The following C13orf46 variants were observed in gnomAD, a reference collection of about 807,000 sequenced individuals.
The protein encoded by C13orf46 is uncharacterized protein C13orf46.
chr13:113,964,098 C>G (rs2052614459), intron 6 of C13orf46, among the ~76,000 whole-genome samples: 1 of 152,158 alleles, frequency 6.6e-6, no homozygotes, highest in East Asian at 1.9e-4. Flanking sequence ...ATCTGCCCAC[C>G]TCAACCTCCC....
chr13:113,968,924 G>A (rs1431675757), intron 2 of C13orf46, among the ~76,000 whole-genome samples, 164 bp from the exon 3 acceptor site: 2 of 152,128 alleles, frequency 1.3e-5, no homozygotes, highest in African/African-American at 4.8e-5. Flanking sequence ...GGCTCTGAAG[G>A]GCCCCACAGC....
At chr13:113,944,426 C>T in the C13orf46 span, among the ~76,000 whole-genome samples, 3 of 152,238 alleles carry the variant, frequency 2.0e-5, no homozygotes, top group Admixed American at 6.5e-5. Flanking sequence ...TTACCTGCTC[C>T]GATGGGGAGA....
At chr13:113,960,698 C>T (rs959925630) in intron 6 of C13orf46, among the ~76,000 whole-genome samples, 2 of 152,232 alleles carry the variant, frequency 1.3e-5, no homozygotes, top group Non-Finnish European at 2.9e-5. Flanking sequence ...TTACCAACAG[C>T]TGTGTGTTCC....
chr13:113,965,809 GTGAAGGTGA>G (rs1378095647), intron 5 of C13orf46, among the ~76,000 whole-genome samples: 3 of 146,240 alleles, frequency 2.1e-5, no homozygotes, highest in African/African-American at 7.7e-5. Context: ...GGTGATGATG[GTGAAGGTGA>G]TGATGGTGAT....
At chr13:113,936,832 G>A in the C13orf46 span, among the ~76,000 whole-genome samples, 2 of 151,198 alleles carry the variant, frequency 1.3e-5, no homozygotes, top group Non-Finnish European at 2.9e-5. Context: ...TGTCAGACTT[G>A]CAAAAAACCT....
chr13:113,929,021 C>T, the C13orf46 span, among the ~76,000 whole-genome samples: 3 of 152,348 alleles, frequency 2.0e-5, no homozygotes, highest in Admixed American at 6.5e-5. Flanking sequence ...CTCCAGTAGC[C>T]GGATGCTCTG....
downstream of C13orf46, among the ~76,000 whole-genome samples, chr13:113,951,148 A>T (rs951132007): frequency 3.7e-4 from 57 of 152,296 alleles, no homozygotes; most frequent in African/African-American, 1.3e-3. Context: ...GATCATCATA[A>T]GGGACGTAGT....
chr13:113,931,294 G>A, the C13orf46 span, among the ~76,000 whole-genome samples: 4 of 152,264 alleles, frequency 2.6e-5, no homozygotes, highest in East Asian at 5.8e-4. Flanking sequence ...CTTTAACCAC[G>A]TCTGAGAGGC....
intron 6 of C13orf46, among the ~76,000 whole-genome samples, chr13:113,960,239 G>C (rs2052576630): frequency 6.9e-6 from 1 of 144,868 alleles, no homozygotes; most frequent in South Asian, 2.2e-4. Context: ...CTGGGCGACA[G>C]AGCGAGACTC....
Position 113,954,479 on chromosome 13 carries a change from C to G in C13orf46, c.*2294G>C. Reference sequence around the variant, plus strand: ...CCTCCTCTGAGTGGGGAGCATGTGGCTTCCCTCCAGGGACAGATCCTAGTG... The same window carrying G: ...CCTCCTCTGAGTGGGGAGCATGTGGGTTCCCTCCAGGGACAGATCCTAGTG... On this transcript the variant is annotated 3_prime_UTR_variant, in exon 7 of 7. Coordinates refer to ENST00000636427, the MANE Select transcript of C13orf46 (RefSeq NM_001365455.2). 6.6e-6 allele frequency: 1 copy of G among 152,438 alleles called. No individual in the cohort carries two copies. The highest frequency in any genetic ancestry group is 2.4e-5 in the African/African-American group (1 of 41,580). The allele number at this position is 152,438 out of a possible 1,614,324, so 9.4% of individuals were successfully genotyped here.
chr13:113,939,707 T>C, the C13orf46 span, among the ~76,000 whole-genome samples: 886 of 152,300 alleles, frequency 5.8e-3, 9 homozygotes, highest in African/African-American at 0.02. Context: ...GCCCTGGAGA[T>C]GTTGTCACTC....
chr13:113,963,087 C>T (rs1324608853), intron 6 of C13orf46, among the ~76,000 whole-genome samples: 9 of 152,314 alleles, frequency 5.9e-5, no homozygotes, highest in East Asian at 3.9e-4. Flanking sequence ...CCAGACCAGT[C>T]GGGGGCCGAG....
chr13:113,936,181 C>T, the C13orf46 span, among the ~76,000 whole-genome samples: 2 of 152,210 alleles, frequency 1.3e-5, no homozygotes, highest in African/African-American at 4.8e-5. Context: ...CTTGGAGTCT[C>T]TGGGTGAGCA....
At position 113,955,645 on chromosome 13, in the gene C13orf46, TAGTGTCTGGCAGAGACAAGG is replaced by T. The variant is rs2052522525; in HGVS notation, c.*1108_*1127del. On this transcript the variant is annotated 3_prime_UTR_variant, in exon 7 of 7. Transcript: ENST00000636427. ...AGTAGTGTCTGGCGGAGACGAGGAG[TAGTGTCTGGCAGAGACAAGG>T]AGTAGTGTCTGGCAGAGACGAGGAG... The T allele has an allele frequency of 3.4e-5, 1 of 29,474 alleles. No individual in the cohort carries two copies. Among genetic ancestry groups the T allele is most frequent in the African/African-American group, 1.1e-4 (1 of 8,790 alleles). The allele number at this position is 29,474 out of a possible 1,614,324, so 1.8% of individuals were successfully genotyped here. A position where few individuals can be genotyped will look rare whatever the true frequency, so the allele number is the denominator to read the frequency against.
rs2052512284 is a variant in C13orf46, at chr13:113,955,050, G to A, written c.*1723C>T. 7 of 192,938 alleles carry A rather than the reference G, an allele frequency of 3.6e-5. No individual in the cohort carries two copies. In the South Asian group the frequency reaches 4.9e-4, roughly 13 times the overall value. 12.0% of individuals were successfully genotyped at this position (192,938 alleles called of 1,614,324 possible). ...AGGAGGAGTAGGATCTGGCGGAGAG[G>A]AGGAGCATCCGGCGGGGATGAGGAG... On this transcript the variant is annotated 3_prime_UTR_variant, in exon 7 of 7. Transcript: ENST00000636427.
intron 6 of C13orf46, among the ~76,000 whole-genome samples, chr13:113,957,627 G>T (rs2052549553): frequency 2.3e-5 from 3 of 129,856 alleles, no homozygotes; most frequent in Non-Finnish European, 4.9e-5. Context: ...CACACTGGGG[G>T]TCTCCCCTGC....
At chr13:113,940,160 G>T in the C13orf46 span, among the ~76,000 whole-genome samples, 1 of 152,216 alleles carries the variant, frequency 6.6e-6, no homozygotes, top group African/African-American at 2.4e-5. Flanking sequence ...ACCGTCAGCC[G>T]CATTTGGCTC....
At chr13:113,967,693 C>A (rs1345387612) in intron 4 of C13orf46, among the ~76,000 whole-genome samples, 1 of 152,178 alleles carries the variant, frequency 6.6e-6, no homozygotes, top group Non-Finnish European at 1.5e-5. Context: ...TCTCCTCCAA[C>A]CTCATCCTCT....
chr13:113,939,732 C>T, the C13orf46 span, among the ~76,000 whole-genome samples: 2 of 152,212 alleles, frequency 1.3e-5, no homozygotes, highest in African/African-American at 4.8e-5. Flanking sequence ...TCCCAGTGAC[C>T]TCCTGTGCGC....
Sources: gnomAD v4.1 joint callset for allele counts (sites outside exome capture counted in the v4.1 genomes callset) on GRCh38, gnomAD v4.1.1 for gene constraint, MANE v1.5 for transcripts, NCBI Gene and HGNC (gene_info 2026-07-23, HGNC 2026-07-21) for gene names.